The following ZNF566 variants were observed in gnomAD, a reference collection of about 807,000 sequenced individuals.
ZNF566 encodes zinc finger protein 566.
A neutral mutation model predicts 32.8 loss-of-function variants in ZNF566; 27 were observed. The observed-to-expected ratio is 0.82, with a 90% confidence interval of 0.61 to 1.14. The LOEUF is 1.14. Among genes scored for constraint, ZNF566 ranks in the 50% most tolerant of loss-of-function variants. The pLI, the probability that ZNF566 is intolerant of heterozygous loss-of-function variation, is 0.00. For missense variants in ZNF566, 402 were observed against 490.4 expected (o/e 0.82, Z 1.70); for synonymous variants, 154 against 159.5 (o/e 0.97, Z 0.26).
At chr19:36,451,362 T>C (rs79235019) in intron 4 of ZNF566, among the ~76,000 whole-genome samples, 2,382 of 152,328 alleles carry the variant, frequency 0.016, 25 homozygotes, top group Non-Finnish European at 0.025. Flanking sequence ...GTTTGGGGTT[T>C]GATGAAAATA....
intron 4 of ZNF566, among the ~76,000 whole-genome samples, chr19:36,461,595 C>G (rs2033464478): frequency 6.6e-6 from 1 of 152,082 alleles, no homozygotes; most frequent in African/African-American, 2.4e-5. Context: ...CCCCTGAACC[C>G]AGGAGGCAGA....
At chr19:36,458,866 T>C (rs2033386529) in intron 4 of ZNF566, among the ~76,000 whole-genome samples, 1 of 152,220 alleles carries the variant, frequency 6.6e-6, no homozygotes, top group African/African-American at 2.4e-5. Flanking sequence ...TAATTTTTCT[T>C]TTTGAGACAA....
At chr19:36,450,461 T>C (rs2033125638) in intron 4 of ZNF566, among the ~76,000 whole-genome samples, 2 of 152,062 alleles carry the variant, frequency 1.3e-5, no homozygotes, top group Non-Finnish European at 2.9e-5. Flanking sequence ...CTGGCTAACA[T>C]GGTGAAACCT....
intron 4 of ZNF566, among the ~76,000 whole-genome samples, chr19:36,471,276 T>C (rs1904897107): frequency 6.6e-6 from 1 of 151,920 alleles, no homozygotes; most frequent in South Asian, 2.1e-4. Flanking sequence ...AGCCTTCTGA[T>C]GACTTCTTGT....
intron 1 of ZNF566, among the ~76,000 whole-genome samples, chr19:36,482,262 C>G (rs904163443): frequency 1.3e-5 from 2 of 152,146 alleles, no homozygotes; most frequent in African/African-American, 4.8e-5. Flanking sequence ...CCCGCCACCA[C>G]GCCCGGCTAA....
intron 1 of ZNF566, among the ~76,000 whole-genome samples, chr19:36,488,925 A>T (rs1272856948): frequency 6.6e-6 from 1 of 152,132 alleles, no homozygotes; most frequent in Non-Finnish European, 1.5e-5. Flanking sequence ...AGCTACAGAC[A>T]ATCCACGCCC....
rs79942281 is a variant in ZNF566, at chr19:36,474,971, C to G, written c.10-1513G>C. Among the ~76,000 whole-genome samples the G allele has an allele frequency of 1.1e-3, 170 of 152,306 alleles. 3 individuals carry two copies. In the East Asian group the frequency reaches 0.02, roughly 18 times the overall value. ...TTATTTATAACCACCTACTGCCCAG[C>G]TGTAAATTCCCCTTATAACTAAGCT... On this transcript the variant is annotated intron_variant, in intron 2 of 4. Coordinates refer to ENST00000452939, the MANE Select transcript of ZNF566 (RefSeq NM_001145344.1).
rs760456422 is a variant in ZNF566 at position 36,449,826 on chromosome 19, C to A, written c.408G>T (p.Gly136=). Residue 136 remains glycine (G), a synonymous_variant, in exon 5 of 5, where the codon GGG becomes GGT. Coordinates refer to ENST00000452939, the MANE Select transcript of ZNF566 (RefSeq NM_001145344.1). ...RQFKKELGSQ[G]GHFNQLVFTH... ...TGAATACCAATTGATTGAAATGTCC[C>A]CCCTGAGAGCCGAGTTCTTTCTTAA... The A allele has an allele frequency of 6.2e-7, 1 of 1,614,146 alleles. No individual in the cohort carries two copies. Among genetic ancestry groups the A allele is most frequent in the Admixed American group, 1.7e-5 (1 of 60,012 alleles).
intron 4 of ZNF566, among the ~76,000 whole-genome samples, chr19:36,450,889 C>T (rs2145634280): frequency 6.6e-6 from 1 of 152,296 alleles, no homozygotes; most frequent in South Asian, 2.1e-4. Context: ...GAACTGCAAA[C>T]CTAAAATACT....
At chr19:36,453,477 A>T (rs1165134344) in intron 4 of ZNF566, among the ~76,000 whole-genome samples, 1 of 98,824 alleles carries the variant, frequency 1.0e-5, no homozygotes, top group Non-Finnish European at 2.1e-5. Context: ...TATCTCAAAT[A>T]AATAAATAAA....
rs759268070 is a variant in ZNF566 at position 36,449,664 on chromosome 19, C to G, written c.570G>C (p.Glu190Asp). Residue 190 changes from glutamate (E) to aspartate (D), a missense_variant, in exon 5 of 5, where the codon GAG becomes GAC. This residue lies in a region of ZNF566 where 220 missense variants were observed against 241.9 expected (regional missense o/e 0.91). Transcript: ENST00000452939. ...FRHGSQFATHEIIHTIEKPYE... is the reference protein window; with the variant it reads ...FRHGSQFATHDIIHTIEKPYE... ...AAGGCTTCTCAATGGTATGAATTAT[C>G]TCATGTGTAGCAAACTGTGAGCCAT... The G allele has an allele frequency of 2.5e-6, 4 of 1,613,926 alleles. No homozygotes were observed. The highest frequency in any genetic ancestry group is 3.4e-6 in the Non-Finnish European group (4 of 1,180,014).
chr19:36,462,790 T>A (rs2033502800), intron 4 of ZNF566, among the ~76,000 whole-genome samples: 1 of 151,254 alleles, frequency 6.6e-6, no homozygotes, highest in Non-Finnish European at 1.5e-5. Context: ...ACCCCGCCTC[T>A]ACTAAAAATA....
intron 1 of ZNF566, among the ~76,000 whole-genome samples, chr19:36,484,039 A>C (rs1420828534): frequency 6.6e-6 from 1 of 152,056 alleles, no homozygotes; most frequent in African/African-American, 2.4e-5. Context: ...CACCTGGCTA[A>C]TTTTTTGTAT....
At chr19:36,473,183 C>T (rs1323472629) in intron 3 of ZNF566, 149 bp downstream of exon 3, 1 of 1,145,554 alleles carries the variant, frequency 8.7e-7, no homozygotes, top group African/African-American at 1.6e-5. Context: ...ATGCAGCTTC[C>T]TTTTTCTAAC....
intron 4 of ZNF566, among the ~76,000 whole-genome samples, chr19:36,472,564 A>C (rs2033790854): frequency 6.6e-6 from 1 of 152,198 alleles, no homozygotes; most frequent in Non-Finnish European, 1.5e-5. Flanking sequence ...GCAGTGTAGG[A>C]AAAAATCTAT....
chr19:36,457,721 A>G (rs1363639293), intron 4 of ZNF566, among the ~76,000 whole-genome samples: 2 of 152,164 alleles, frequency 1.3e-5, no homozygotes, highest in African/African-American at 4.8e-5. Flanking sequence ...ATGAAATCCC[A>G]TCTCTACTAA....
intron 4 of ZNF566, among the ~76,000 whole-genome samples, chr19:36,470,618 T>A (rs542831386): frequency 6.6e-6 from 1 of 152,198 alleles, no homozygotes; most frequent in African/African-American, 2.4e-5. Flanking sequence ...TTAAAATATA[T>A]GTTGCATCAA....
chr19:36,482,307 G>T (rs1331566342), intron 1 of ZNF566, among the ~76,000 whole-genome samples: 1 of 151,978 alleles, frequency 6.6e-6, no homozygotes, highest in East Asian at 1.9e-4. Flanking sequence ...GGGTTTCACC[G>T]TGTTAGCCAG....
chr19:36,472,035 C>T (rs2033778203), intron 4 of ZNF566, among the ~76,000 whole-genome samples: 1 of 152,146 alleles, frequency 6.6e-6, no homozygotes, highest in Non-Finnish European at 1.5e-5. Flanking sequence ...TGAGCCACTG[C>T]ACCCAATCAC....
Sources: gnomAD v4.1 joint callset for allele counts (sites outside exome capture counted in the v4.1 genomes callset) on GRCh38, gnomAD v4.1.1 for gene constraint, gnomAD v4.1.1 regional missense constraint, MANE v1.5 for transcripts, NCBI Gene and HGNC (gene_info 2026-07-23, HGNC 2026-07-21) for gene names.